The following KIAA0586 variants were observed in gnomAD, a reference collection of about 807,000 sequenced individuals.
KIAA0586 encodes the protein KIAA0586.
In KIAA0586, 144 loss-of-function variants were observed where a neutral mutation model predicts 169.8. The ratio of observed to expected loss-of-function variants is 0.85; its 90% confidence interval spans 0.74 to 0.97. KIAA0586 has a LOEUF of 0.97. Among genes scored for constraint, KIAA0586 ranks in the 50% least tolerant of loss-of-function variants. KIAA0586 has a pLI of 0.00. For synonymous variants in KIAA0586, 625 were observed against 612.4 expected, an observed-to-expected ratio of 1.02 and a Z score of -0.30; for missense variants, 1,854 against 1,823.0, an observed-to-expected ratio of 1.02 and a Z score of -0.31.
downstream of KIAA0586, among the ~76,000 whole-genome samples, chr14:58,551,631 G>A (rs578007025): frequency 9.2e-5 from 14 of 152,166 alleles, no homozygotes; most frequent in Admixed American, 5.2e-4. Context: ...ATGTGGTGGC[G>A]TGTGCCTGTA....
rs554227813 is a variant in KIAA0586, at chr14:58,432,311, A to G, written c.341-77A>G. ...TCCTAAACATTCTTTTAGTTAAAAA[A>G]GATTTTTTTAGTAGCTTATTAAAGT... On this transcript the variant is annotated intron_variant, in intron 3 of 30. Transcript: ENST00000652326. 4.0e-5 allele frequency: 35 copies of G among 881,602 alleles called. No homozygotes were observed. In the African/African-American group the frequency reaches 5.2e-4, roughly 13 times the overall value. The allele number at this position is 881,602 out of a possible 1,614,324, so 54.6% of individuals were successfully genotyped here. A position where few individuals can be genotyped will look rare whatever the true frequency, so the allele number is the denominator to read the frequency against.
At chr14:58,547,253 A>T (rs10132077) in intron 30 of KIAA0586, among the ~76,000 whole-genome samples, 4 of 152,030 alleles carry the variant, frequency 2.6e-5, no homozygotes, top group South Asian at 2.1e-4. Flanking sequence ...TAATGGTAAC[A>T]GTAGTAATAA....
In KIAA0586 at chr14:58,537,585, GA is replaced by G. The variant is rs2046374328; in HGVS notation, c.4430-2484del. 2.6e-5 allele frequency among the ~76,000 whole-genome samples: 4 copies of G among 152,084 alleles called. No homozygotes were observed. In the South Asian group the frequency reaches 6.2e-4, roughly 24 times the overall value. On this transcript the variant is annotated intron_variant, in intron 29 of 30. Coordinates refer to ENST00000652326, the MANE Select transcript of KIAA0586 (RefSeq NM_001329943.3). ...AATTTCTGTCCCTCTCTAACTCTTG[GA>G]AGTTTAGAAACAAAGTGAGAAGTGA...
rs377634470 is a variant in KIAA0586, at chr14:58,435,955, C to T, written c.410+3498C>T. The stretch of plus-strand genomic sequence containing the variant: ...AACTCCTGACCTTAGGCGATCTGCC[C>T]ACCTTGGCCTTCTAAAGTGCTGGGA... On this transcript the variant is annotated intron_variant, in intron 4 of 30. Transcript: ENST00000652326. Among the ~76,000 whole-genome samples the T allele has an allele frequency of 3.3e-5, 5 of 152,220 alleles. 1 individual carries two copies. Among genetic ancestry groups the T allele is most frequent in the Admixed American group, 6.5e-5 (1 of 15,270 alleles).
intron 3 of KIAA0586, among the ~76,000 whole-genome samples, chr14:58,431,770 G>A (rs376345444): frequency 1.4e-4 from 22 of 152,120 alleles, no homozygotes; most frequent in African/African-American, 5.1e-4. Context: ...AGTTCTCCTT[G>A]TAGAGATCTT....
chr14:58,495,180 T>C lies in KIAA0586; in HGVS notation c.3990+2905T>C, dbSNP rs376345353. Among the ~76,000 whole-genome samples the C allele has an allele frequency of 7.2e-5, 11 of 152,210 alleles. No individual in the cohort carries two copies. The East Asian group carries it at 1.2e-3, about 16-fold the overall frequency. On this transcript the variant is annotated intron_variant, in intron 26 of 30. Transcript: ENST00000652326. ...TGTGCTGTCCTGGCTAGACCAGCAA[T>C]GCAGAAGTTAGAATTCTATCTTCTC...
At chr14:58,439,209 C>T (rs1005533008) in intron 4 of KIAA0586, among the ~76,000 whole-genome samples, 16 of 151,230 alleles carry the variant, frequency 1.1e-4, no homozygotes, top group Admixed American at 8.6e-4. Context: ...TTTTTTGAGA[C>T]GGAGTCTCGC....
At chr14:58,430,269 T>A (rs891224409) in intron 2 of KIAA0586, among the ~76,000 whole-genome samples, 1 of 152,178 alleles carries the variant, frequency 6.6e-6, no homozygotes, top group East Asian at 1.9e-4. Flanking sequence ...GTGATCTTCG[T>A]GATGTTGTGC....
Position 58,428,403 on chromosome 14 carries a change from T to C in KIAA0586, c.139T>C (p.Leu47=), listed in dbSNP as rs776017432. ...TGAGTTGCCCTGTGTTCCTCCGGCATTGTCTGCAAATAAACGTCTTCCTGT... is the reference window on the plus strand; with the variant it reads ...TGAGTTGCCCTGTGTTCCTCCGGCACTGTCTGCAAATAAACGTCTTCCTGT... ...KDELPCVPPA[L]SANKRLPVGT... is the part of the protein sequence containing the mutation. Residue 47 remains leucine (L), a synonymous_variant, in exon 1 of 31, where the codon TTG becomes CTG. Coordinates refer to ENST00000652326, the MANE Select transcript of KIAA0586 (RefSeq NM_001329943.3). The C allele has an allele frequency of 7.4e-6, 12 of 1,613,994 alleles. No individual in the cohort carries two copies. The highest frequency in any genetic ancestry group is 9.3e-6 in the Non-Finnish European group (11 of 1,179,888).
At chr14:58,521,929 G>C (rs1566936796) in intron 29 of KIAA0586, 1 of 1,380,820 alleles carries the variant, frequency 7.2e-7, no homozygotes, top group Non-Finnish European at 1.0e-6. Context: ...CAAGGATGAT[G>C]AAAAAGAGGC....
At chr14:58,514,288 C>A (rs1281554938) in intron 29 of KIAA0586, among the ~76,000 whole-genome samples, 1 of 151,926 alleles carries the variant, frequency 6.6e-6, no homozygotes, top group South Asian at 2.1e-4. Context: ...CAAAATAATT[C>A]TCTGGAGCTC....
intron 29 of KIAA0586, among the ~76,000 whole-genome samples, chr14:58,515,676 T>C (rs1206807344): frequency 1.3e-5 from 2 of 152,144 alleles, no homozygotes; most frequent in Non-Finnish European, 2.9e-5. Context: ...TGTGTATCTC[T>C]GATAGGGAGG....
rs539521279 is a variant in KIAA0586 at position 58,453,512 on chromosome 14, G to A, written c.1253+39G>A. On this transcript the variant is annotated intron_variant, in intron 9 of 30. Coordinates refer to ENST00000652326, the MANE Select transcript of KIAA0586 (RefSeq NM_001329943.3). ...ATTGGAATGAAAACTAGATTGAAAA[G>A]AGTTTTGTTAAGATTTTTCAAATTT... The A allele has an allele frequency of 2.1e-4, 294 of 1,389,670 alleles. 2 individuals are homozygous for A. The highest frequency in any genetic ancestry group is 1.8e-3 in the Middle Eastern group (9 of 4,982). 86.1% of individuals were successfully genotyped at this position (1,389,670 alleles called of 1,614,324 possible).
chr14:58,464,500 T>A (rs2040583226), intron 14 of KIAA0586, among the ~76,000 whole-genome samples: 1 of 152,150 alleles, frequency 6.6e-6, no homozygotes, highest in African/African-American at 2.4e-5. Flanking sequence ...TTTAGCCTCT[T>A]CCTTTGCCCG....
chr14:58,462,923 A>G (rs1377638156), intron 14 of KIAA0586, among the ~76,000 whole-genome samples: 1 of 152,160 alleles, frequency 6.6e-6, no homozygotes, highest in African/African-American at 2.4e-5. Context: ...CACTATCACA[A>G]GAACAAATTA....
intron 19 of KIAA0586, 68 bp downstream of exon 19, chr14:58,474,865 G>A (rs938125491): frequency 1.7e-6 from 2 of 1,154,004 alleles, no homozygotes; most frequent in Non-Finnish European, 1.2e-6. Context: ...GTATTAAAAT[G>A]TGGCTGAAAA....
intron 29 of KIAA0586, among the ~76,000 whole-genome samples, chr14:58,513,853 G>T (rs910753163): frequency 6.6e-6 from 1 of 151,986 alleles, no homozygotes; most frequent in Non-Finnish European, 1.5e-5. Context: ...TGAGGATGTT[G>T]TATGTAATGA....
intron 21 of KIAA0586, among the ~76,000 whole-genome samples, chr14:58,483,648 G>T (rs1207502542): frequency 6.6e-6 from 1 of 152,002 alleles, no homozygotes. Flanking sequence ...ATCTTTAAAA[G>T]AAAATACATT....
In KIAA0586 at chr14:58,551,172, GA is replaced by G. The variant is rs2047192103; in HGVS notation, c.*3241del. ...CCACTTAACTCCAGCCTGGGCAACA[GA>G]GTAAGACTCTGTCTCAAAAATAAAT... On this transcript the variant is annotated 3_prime_UTR_variant, in exon 31 of 31. Transcript: ENST00000652326. The G allele has an allele frequency of 6.7e-6, 1 of 149,358 alleles. No homozygotes were observed. Among genetic ancestry groups the G allele is most frequent in the African/African-American group, 2.5e-5 (1 of 39,674 alleles). The allele number at this position is 149,358 out of a possible 1,614,324, so 9.3% of individuals were successfully genotyped here.
Sources: allele counts gnomAD v4.1 joint callset (sites outside exome capture counted in the v4.1 genomes callset), GRCh38; gene constraint gnomAD v4.1.1; transcripts MANE v1.5; gene names NCBI Gene and HGNC (gene_info 2026-07-23, HGNC 2026-07-21).